DNAJC6: variants seen among roughly 807,000 people sequenced by gnomAD.
The protein encoded by DNAJC6 is auxilin.
A neutral mutation model predicts 110.0 loss-of-function variants in DNAJC6; 34 were observed. The observed-to-expected ratio is 0.31, with a 90% CI of 0.24 to 0.41. The LOEUF is 0.41. Ranked by LOEUF, DNAJC6 falls within the 10% of genes least tolerant of loss-of-function variation. DNAJC6 has a pLI of 1.00. For missense variants in DNAJC6, 1,031 were observed against 1,207.8 expected, an observed-to-expected ratio of 0.85 and a Z score of 2.17; for synonymous variants, 406 against 437.2, an observed-to-expected ratio of 0.93 and a Z score of 0.89.
At chr1:65,373,193 T>TATTC (rs1388868463) in intron 4 of DNAJC6, among the ~76,000 whole-genome samples, 1 of 152,232 alleles carries the variant, frequency 6.6e-6, no homozygotes, top group African/African-American at 2.4e-5. Context: ...ACATTTTATT[T>TATTC]ATTCATTCAT....
At chr1:65,394,198 A>G (rs147041453) in intron 12 of DNAJC6, among the ~76,000 whole-genome samples, 1 of 152,328 alleles carries the variant, frequency 6.6e-6, no homozygotes, top group African/African-American at 2.4e-5. Flanking sequence ...TTCCAGTGCC[A>G]GAAGGGGCCT....
chr1:65,327,542 G>C (rs996450841), intron 1 of DNAJC6, among the ~76,000 whole-genome samples: 2 of 152,146 alleles, frequency 1.3e-5, no homozygotes, highest in African/African-American at 2.4e-5. Context: ...ATCCTAAAGT[G>C]AGAATAGGCC....
At chr1:65,330,657 T>C (rs540764420) in intron 1 of DNAJC6, among the ~76,000 whole-genome samples, 2 of 152,032 alleles carry the variant, frequency 1.3e-5, no homozygotes, top group Non-Finnish European at 2.9e-5. Flanking sequence ...TTAGTAGAGA[T>C]AGGGTTTCAC....
intron 4 of DNAJC6, among the ~76,000 whole-genome samples, chr1:65,372,948 C>G (rs933028410): frequency 6.6e-6 from 1 of 151,764 alleles, no homozygotes; most frequent in Non-Finnish European, 1.5e-5. Context: ...TTATTTTTTC[C>G]TCCTTCAAAC....
intron 1 of DNAJC6, 135 bp from the exon 2 acceptor site, chr1:65,364,500 C>A: frequency 9.2e-7 from 1 of 1,081,352 alleles, no homozygotes; most frequent in Non-Finnish European, 1.3e-6. Flanking sequence ...GAGAGTGGGA[C>A]ACAATTTCCA....
At chr1:65,384,985 G>A (rs761750526) in intron 6 of DNAJC6, among the ~76,000 whole-genome samples, 2 of 152,176 alleles carry the variant, frequency 1.3e-5, no homozygotes, top group Non-Finnish European at 1.5e-5. Flanking sequence ...GTTGTGATTT[G>A]CCTCAGGTCT....
At chr1:65,319,306 G>T (rs533115322) in intron 1 of DNAJC6, among the ~76,000 whole-genome samples, 58 of 152,304 alleles carry the variant, frequency 3.8e-4, no homozygotes, top group Admixed American at 3.7e-3. Context: ...TTTTTGGTAG[G>T]CTGCCCATTA....
intron 5 of DNAJC6, among the ~76,000 whole-genome samples, chr1:65,380,760 A>G (rs1194805219): frequency 6.6e-6 from 1 of 152,186 alleles, no homozygotes. Flanking sequence ...CCAATGAAGA[A>G]GAAAAAAGAA....
intron 4 of DNAJC6, among the ~76,000 whole-genome samples, chr1:65,374,975 A>T (rs188456251): frequency 3.5e-5 from 5 of 143,250 alleles, no homozygotes; most frequent in African/African-American, 1.3e-4. Flanking sequence ...TTTTCTGAGG[A>T]TTTTTTTTTT....
rs754779590 is a variant in DNAJC6 at position 65,392,776 on chromosome 1, T to C, written c.1814T>C (p.Phe605Ser). The C allele has an allele frequency of 6.2e-7, 1 of 1,610,322 alleles. No homozygotes were observed. Among genetic ancestry groups the C allele is most frequent in the Admixed American group, 1.7e-5 (1 of 59,568 alleles). ...QAGQSGVEDV[F>S]HPSGPASTQS... The stretch of plus-strand genomic sequence containing the variant: ...GGACAGTCAGGAGTGGAAGATGTGT[T>C]TCATCCTAGTGGACCTGCGTCTACC... The change falls in exon 12 of 19, where the codon TTT (phenylalanine) becomes TCT (serine). Residue 605 changes from phenylalanine to serine, a missense_variant. By Grantham distance (155) the Phe-to-Ser change is radical. Coordinates refer to ENST00000371069, the MANE Select transcript of DNAJC6 (RefSeq NM_001256864.2).
chr1:65,395,442 ATATGT>A (rs1557560789), intron 13 of DNAJC6, among the ~76,000 whole-genome samples: 1 of 152,226 alleles, frequency 6.6e-6, no homozygotes, highest in Non-Finnish European at 1.5e-5. Flanking sequence ...AATAAATAAA[ATATGT>A]TAGTAGTCCA....
At chr1:65,314,782 C>T (rs1645134355) in intron 1 of DNAJC6, among the ~76,000 whole-genome samples, 1 of 152,232 alleles carries the variant, frequency 6.6e-6, no homozygotes, top group Non-Finnish European at 1.5e-5. Flanking sequence ...GCCACTGTGC[C>T]CAGCCAATTT....
rs866786526 is a variant in DNAJC6 at position 65,378,543 on chromosome 1, G to T, written c.544-859G>T. Among the ~76,000 whole-genome samples, 15 of 152,338 alleles carry T rather than the reference G, an allele frequency of 9.8e-5. 1 individual carries two copies. In the Middle Eastern group the frequency reaches 0.017, roughly 173 times the overall value. On this transcript the variant is annotated intron_variant, in intron 4 of 18. Transcript: ENST00000371069. ...ATTTTATGAAGAAAGGCTTAAAGAG[G>T]TTATGAAGTTTGTCCAACTCTAAGC...
chr1:65,355,987 A>C (rs1023391392), intron 1 of DNAJC6, among the ~76,000 whole-genome samples: 1 of 135,208 alleles, frequency 7.4e-6, no homozygotes, highest in Admixed American at 8.6e-5. Flanking sequence ...TAATATTTCT[A>C]TTCTACAGAT....
chr1:65,367,873 ATTTTTTTT>A (rs67626971), intron 4 of DNAJC6, among the ~76,000 whole-genome samples: 2 of 136,940 alleles, frequency 1.5e-5, no homozygotes, highest in East Asian at 2.1e-4. Context: ...AGGAGGGAGC[ATTTTTTTT>A]TTTTTTTTTT....
chr1:65,364,614 G>GTTTT (rs58549467), intron 1 of DNAJC6, 21 bp from the exon 2 acceptor site: 106 of 1,425,026 alleles, frequency 7.4e-5, no homozygotes, highest in South Asian at 2.8e-4. Context: ...TTGTTTGTTT[G>GTTTT]TTTTTTTTTT....
In DNAJC6 at chr1:65,414,677, A is replaced by AAATATACAG. The variant is rs1377320450; in HGVS notation, c.*1653_*1661dup. ...AACTCGAAGAAAATGTTCTCTTTTT[A>AAATATACAG]AATATACAGTCATAAACTGTTCAAG... On this transcript the variant is annotated 3_prime_UTR_variant, in exon 19 of 19. Transcript: ENST00000371069. 2 of 152,658 alleles carry AAATATACAG rather than the reference A, an allele frequency of 1.3e-5. No individual in the cohort carries two copies. The highest frequency in any genetic ancestry group is 2.9e-5 in the Non-Finnish European group (2 of 68,042). 9.5% of individuals were successfully genotyped at this position (152,658 alleles called of 1,614,324 possible).
intron 1 of DNAJC6, among the ~76,000 whole-genome samples, chr1:65,339,509 A>C (rs997480799): frequency 6.6e-6 from 1 of 152,230 alleles, no homozygotes; most frequent in African/African-American, 2.4e-5. Flanking sequence ...TGCCTCATAC[A>C]TAGTAGGGAC....
At chr1:65,316,861 A>G (rs1645153332) in intron 1 of DNAJC6, among the ~76,000 whole-genome samples, 1 of 152,194 alleles carries the variant, frequency 6.6e-6, no homozygotes, top group African/African-American at 2.4e-5. Context: ...GAATTAGCTT[A>G]CCAAAAGATT....
Sources: allele counts gnomAD v4.1 joint callset (sites outside exome capture counted in the v4.1 genomes callset), GRCh38; gene constraint gnomAD v4.1.1; transcripts MANE v1.5; gene names NCBI Gene and HGNC (gene_info 2026-07-23, HGNC 2026-07-21).